The following EDA variants were observed in gnomAD, a reference collection of about 807,000 sequenced individuals.
The protein encoded by EDA is ectodysplasin-A.
A neutral mutation model predicts 23.6 loss-of-function variants in EDA; 2 were observed. That is an observed-to-expected ratio of 0.08 (90% CI 0.03 to 0.27). The LOEUF (loss-of-function observed/expected upper bound fraction) is 0.27, where lower values mean the gene tolerates loss of function less well. Ranked by LOEUF, EDA falls within the 10% of genes least tolerant of loss-of-function variation. The pLI is 1.00. For synonymous variants in EDA, 131 were observed against 132.0 expected, an observed-to-expected ratio of 0.99 and a Z score of 0.05; for missense variants, 229 against 324.2, an observed-to-expected ratio of 0.71 and a Z score of 2.26.
chrX:69,740,433 T>G (rs1205518192), intron 1 of EDA, among the ~76,000 whole-genome samples: 2 of 111,796 alleles, frequency 1.8e-5, no homozygotes, highest in Non-Finnish European at 3.8e-5. Flanking sequence ...TGGTGTTTTT[T>G]TTTGTTTGTT....
intron 2 of EDA, among the ~76,000 whole-genome samples, chrX:70,002,075 A>T (rs2019747146): frequency 8.9e-6 from 1 of 111,861 alleles, no homozygotes; most frequent in African/African-American, 3.3e-5. Flanking sequence ...CACTAAGAAG[A>T]TAAATTCAAT....
At chrX:69,723,873 C>T (rs1049719119) in intron 1 of EDA, among the ~76,000 whole-genome samples, 3 of 111,233 alleles carry the variant, frequency 2.7e-5, no homozygotes, top group Non-Finnish European at 5.7e-5. Flanking sequence ...CACTCCACCC[C>T]CTCCTCTGGG....
In EDA at chrX:69,679,769, C is replaced by T. The variant is rs781563342; in HGVS notation, c.396+63065C>T. ...AATTTTGTTGATCTTTTCAAAAACC[C>T]AGCTCCTGGATTCTTTAATTTTTTG... On this transcript the variant is annotated intron_variant, in intron 1 of 7. Coordinates refer to ENST00000374552, the MANE Select transcript of EDA (RefSeq NM_001399.5). 2.0e-4 allele frequency among the ~76,000 whole-genome samples: 22 copies of T among 111,088 alleles called. No individual in the cohort carries two copies. The South Asian group carries it at 6.2e-3, about 31-fold the overall frequency.
rs774539681 is a variant in EDA at position 69,829,617 on chromosome X, C to T, written c.397-127410C>T. On this transcript the variant is annotated intron_variant, in intron 1 of 7. Coordinates refer to ENST00000374552, the MANE Select transcript of EDA (RefSeq NM_001399.5). ...GGCTTCATCCAGTGGTTTGCTGTAACTTAATTATTTAACTGATAGGATCAG... is the reference window on the plus strand; with the variant it reads ...GGCTTCATCCAGTGGTTTGCTGTAATTTAATTATTTAACTGATAGGATCAG... 2.7e-5 allele frequency among the ~76,000 whole-genome samples: 3 copies of T among 111,970 alleles called. No homozygotes were observed. The South Asian group carries it at 1.1e-3, about 42-fold the overall frequency.
At chrX:69,695,890 C>G (rs1470484416) in intron 1 of EDA, among the ~76,000 whole-genome samples, 1 of 110,960 alleles carries the variant, frequency 9.0e-6, no homozygotes, top group East Asian at 2.9e-4. Context: ...TCTTTGTTTC[C>G]TAGGCCAGTT....
intron 1 of EDA, among the ~76,000 whole-genome samples, chrX:69,826,347 G>T (rs1029029733): frequency 9.1e-6 from 1 of 109,409 alleles, no homozygotes; most frequent in African/African-American, 3.3e-5. Context: ...TCTCTTTGTA[G>T]GTCACTCAGG....
At chrX:69,750,613 G>T (rs781312574) in intron 1 of EDA, among the ~76,000 whole-genome samples, 2 of 111,409 alleles carry the variant, frequency 1.8e-5, no homozygotes, top group African/African-American at 6.5e-5. Flanking sequence ...CTTCCACAAT[G>T]GTTGAACTAG....
At position 70,033,625 on chromosome X, in the gene EDA, T is replaced by C. The variant is rs766755980; in HGVS notation, c.924+97T>C. On this transcript the variant is annotated intron_variant, in intron 7 of 7. Coordinates refer to ENST00000374552, the MANE Select transcript of EDA (RefSeq NM_001399.5). ...TGTGGAGCCAGCCAAGACCATCCAA[T>C]GGCTAACTTCCTGCTTTGGGTGAGG... 6.8e-4 allele frequency: 655 copies of C among 961,223 alleles called. 7 individuals are homozygous for C. Among genetic ancestry groups the C allele is most frequent in the South Asian group, 5.0e-3 (244 of 49,276 alleles). The allele number at this position is 961,223 out of a possible 1,213,427, so 79.2% of individuals were successfully genotyped here.
At position 69,636,679 on chromosome X, in the gene EDA, G is replaced by A. The variant is rs1932780796; in HGVS notation, c.396+19975G>A. Among the ~76,000 whole-genome samples the A allele has an allele frequency of 5.7e-5, 6 of 104,475 alleles. No individual in the cohort carries two copies. The Admixed American group carries it at 6.4e-4, about 11-fold the overall frequency. 90.7% of individuals were successfully genotyped at this position (104,475 alleles called of 115,157 possible). On this transcript the variant is annotated intron_variant, in intron 1 of 7. Coordinates refer to ENST00000374552, the MANE Select transcript of EDA (RefSeq NM_001399.5). ...CTCAAACTTTTGAAGGAAAGAATTA[G>A]AATGTGATACTTTATTATAAATCCC...
intron 1 of EDA, among the ~76,000 whole-genome samples, chrX:69,833,024 C>T (rs1602462208): frequency 9.0e-6 from 1 of 110,803 alleles, no homozygotes; most frequent in East Asian, 2.8e-4. Flanking sequence ...AATTGAATAC[C>T]CTTTATTTAT....
At chrX:69,766,262 G>T (rs1032534498) in intron 1 of EDA, among the ~76,000 whole-genome samples, 1 of 111,130 alleles carries the variant, frequency 9.0e-6, no homozygotes, top group Non-Finnish European at 1.9e-5. Context: ...TGATTTTTTT[G>T]TAGGGGGGAA....
At chrX:69,908,726 G>C (rs1246825352) in intron 1 of EDA, among the ~76,000 whole-genome samples, 2 of 109,487 alleles carry the variant, frequency 1.8e-5, no homozygotes, top group Non-Finnish European at 3.8e-5. Flanking sequence ...TAGAAAAAAT[G>C]GTATATGTAG....
At position 70,008,550 on chromosome X, in the gene EDA, A is replaced by G. The variant is rs190830918; in HGVS notation, c.503-14668A>G. Among the ~76,000 whole-genome samples, 432 of 111,363 alleles carry G rather than the reference A, an allele frequency of 3.9e-3. 3 individuals carry two copies. Among genetic ancestry groups the G allele is most frequent in the Non-Finnish European group, 6.7e-3 (356 of 53,006 alleles). Reference sequence around the variant, plus strand: ...ACATTGTTGGCTTTGATTAGCTAATATTTTATTGAGGATTTTTGCATCTAT... The same window carrying G: ...ACATTGTTGGCTTTGATTAGCTAATGTTTTATTGAGGATTTTTGCATCTAT... On this transcript the variant is annotated intron_variant, in intron 2 of 7. Transcript: ENST00000374552.
chrX:69,645,634 A>ATG (rs1932912085), intron 1 of EDA, among the ~76,000 whole-genome samples: 2 of 83,826 alleles, frequency 2.4e-5, no homozygotes, highest in African/African-American at 1.0e-4. Flanking sequence ...ATATATATAT[A>ATG]TGTATAAAAT....
chrX:69,762,988 T>A (rs747503462), intron 1 of EDA, among the ~76,000 whole-genome samples: 1 of 112,189 alleles, frequency 8.9e-6, no homozygotes, highest in Non-Finnish European at 1.9e-5. Flanking sequence ...TGATTTTGGA[T>A]TAGTTGTGGT....
At chrX:70,011,334 T>G (rs2147488356) in intron 2 of EDA, among the ~76,000 whole-genome samples, 1 of 105,004 alleles carries the variant, frequency 9.5e-6, no homozygotes, top group South Asian at 4.2e-4. Context: ...CATTTTCGCT[T>G]TTTTTTTTTT....
chrX:69,691,220 G>A (rs150719301), intron 1 of EDA, among the ~76,000 whole-genome samples: 1,565 of 111,583 alleles, frequency 0.014, 20 homozygotes, highest in African/African-American at 0.046. Context: ...AAAATGGGGC[G>A]ATATGGCTTG....
At chrX:70,005,156 A>G (rs1428635889) in intron 2 of EDA, among the ~76,000 whole-genome samples, 1 of 112,175 alleles carries the variant, frequency 8.9e-6, no homozygotes, top group Non-Finnish European at 1.9e-5. Flanking sequence ...AACAAATAAA[A>G]TTAAATTAAA....
At chrX:69,808,374 G>C (rs887787239) in intron 1 of EDA, among the ~76,000 whole-genome samples, 3 of 111,472 alleles carry the variant, frequency 2.7e-5, no homozygotes, top group Non-Finnish European at 5.6e-5. Context: ...GCATCAATAT[G>C]TATCAGTACA....
Sources: allele counts gnomAD v4.1 joint callset (sites outside exome capture counted in the v4.1 genomes callset), GRCh38; gene constraint gnomAD v4.1.1; transcripts MANE v1.5; gene names NCBI Gene and HGNC (gene_info 2026-07-23, HGNC 2026-07-21).